Variants in PAK5 observed in about 807,000 individuals in gnomAD.
PAK5 encodes the protein p21 (RAC1) activated kinase 5.
PAK5 carries 16 observed loss-of-function variants against 65.9 expected under a neutral mutation model. The ratio of observed to expected loss-of-function variants is 0.24; its 90% confidence interval spans 0.16 to 0.37. The LOEUF is 0.37. PAK5 is among the 10% of genes least tolerant of loss of function. PAK5 has a pLI of 1.00. For synonymous variants in PAK5, 371 were observed against 354.9 expected, an observed-to-expected ratio of 1.05 and a Z score of -0.51; for missense variants, 785 against 903.9, an observed-to-expected ratio of 0.87 and a Z score of 1.69.
At position 9,586,023 on chromosome 20, in the gene PAK5, G is replaced by A. The variant is rs2046062314; in HGVS notation, c.205-5093C>T. On this transcript the variant is annotated intron_variant, in intron 3 of 9. Coordinates refer to ENST00000353224, the MANE Select transcript of PAK5 (RefSeq NM_177990.4). ...CCAGCTCATCATTTACTGGACAACT[G>A]AGGCTCAGAGGTGATCTGTATGCCT... Among the ~76,000 whole-genome samples, 4 of 152,304 alleles carry A rather than the reference G, an allele frequency of 2.6e-5. 1 individual carries two copies. The highest frequency in any genetic ancestry group is 7.2e-5 in the African/African-American group (3 of 41,578).
intron 2 of PAK5, among the ~76,000 whole-genome samples, chr20:9,684,858 T>C (rs1047928433): frequency 6.6e-6 from 1 of 152,220 alleles, no homozygotes; most frequent in Non-Finnish European, 1.5e-5. Context: ...ACTGGGGATC[T>C]TTGGGGTGGA....
At chr20:9,633,764 C>T (rs1395506961) in intron 3 of PAK5, among the ~76,000 whole-genome samples, 1 of 152,300 alleles carries the variant, frequency 6.6e-6, no homozygotes, top group East Asian at 1.9e-4. Context: ...CACTTCCTCC[C>T]AGGAGTTACA....
intron 1 of PAK5, among the ~76,000 whole-genome samples, chr20:9,755,541 C>A (rs549110605): frequency 6.6e-6 from 1 of 152,284 alleles, no homozygotes; most frequent in Non-Finnish European, 1.5e-5. Flanking sequence ...GAAGATGACA[C>A]AAACCATGAT....
At chr20:9,792,322 G>A (rs536558188) in intron 1 of PAK5, among the ~76,000 whole-genome samples, 44 of 152,254 alleles carry the variant, frequency 2.9e-4, no homozygotes, top group African/African-American at 9.9e-4. Context: ...TAAGGGTTGC[G>A]GGAGAAGTTT....
At chr20:9,804,532 C>A (rs1462565317) in intron 1 of PAK5, among the ~76,000 whole-genome samples, 1 of 152,060 alleles carries the variant, frequency 6.6e-6, no homozygotes, top group African/African-American at 2.4e-5. Context: ...ATAAATTTGA[C>A]CATACCACCT....
chr20:9,539,528 T>G lies in PAK5; in HGVS notation c.2094A>C (p.Pro698=). The G allele has an allele frequency of 6.2e-7, 1 of 1,613,978 alleles. No individual in the cohort carries two copies. Residue 698 remains proline (P), a synonymous_variant, in exon 10 of 10, where the codon CCA becomes CCC. Transcript: ENST00000353224. ...RATAQELLGH[P]FLKLAGPPSC... is the part of the protein sequence containing the mutation. ...ACGGTGGACCTGCTAGTTTTAAGAA[T>G]GGATGTCCGAGGAGTTCCTGGGCTG... is the stretch of plus-strand genomic sequence containing the variant.
At chr20:9,591,524 C>G (rs550188003) in intron 3 of PAK5, among the ~76,000 whole-genome samples, 1 of 152,140 alleles carries the variant, frequency 6.6e-6, no homozygotes, top group Admixed American at 6.6e-5. Flanking sequence ...AATAAGTTGA[C>G]TGGTCTTTGA....
Position 9,540,430 on chromosome 20 carries a change from T to C in PAK5, c.2005-813A>G, listed in dbSNP as rs190963812. On this transcript the variant is annotated intron_variant, in intron 9 of 9. Coordinates refer to ENST00000353224, the MANE Select transcript of PAK5 (RefSeq NM_177990.4). ...TATTTTAATTTATAGCATAACTTAG[T>C]TTTGCTTACTTTTGTACTTTACCAA... Among the ~76,000 whole-genome samples the C allele has an allele frequency of 6.6e-5, 10 of 152,318 alleles. No individual in the cohort carries two copies. In the East Asian group the frequency reaches 1.9e-3, roughly 29 times the overall value.
chr20:9,751,520 A>G (rs1442314432), intron 1 of PAK5, among the ~76,000 whole-genome samples: 1 of 152,200 alleles, frequency 6.6e-6, no homozygotes, highest in East Asian at 1.9e-4. Flanking sequence ...CATGAATAAA[A>G]TTCAATTTTA....
At chr20:9,652,409 T>C (rs1385870062) in intron 2 of PAK5, among the ~76,000 whole-genome samples, 1 of 152,236 alleles carries the variant, frequency 6.6e-6, no homozygotes, top group Non-Finnish European at 1.5e-5. Flanking sequence ...GGGTTCATCA[T>C]ATAATCTAAA....
intron 1 of PAK5, among the ~76,000 whole-genome samples, chr20:9,719,706 G>A (rs992818477): frequency 2.6e-5 from 4 of 152,096 alleles, no homozygotes; most frequent in Non-Finnish European, 5.9e-5. Context: ...AGCCCATTGT[G>A]TTTGCCTTGT....
intron 1 of PAK5, among the ~76,000 whole-genome samples, chr20:9,724,438 T>C (rs1163341175): frequency 6.6e-6 from 1 of 152,184 alleles, no homozygotes; most frequent in Non-Finnish European, 1.5e-5. Flanking sequence ...AGCCAAAAGC[T>C]CAAGGCCACT....
At chr20:9,770,515 A>G (rs547314658) in intron 1 of PAK5, among the ~76,000 whole-genome samples, 19 of 152,292 alleles carry the variant, frequency 1.2e-4, no homozygotes, top group African/African-American at 4.1e-4. Flanking sequence ...AGCCAGCACA[A>G]TGGTGTGTTT....
intron 3 of PAK5, among the ~76,000 whole-genome samples, chr20:9,586,850 G>GA (rs1213813484): frequency 6.6e-6 from 1 of 152,052 alleles, no homozygotes; most frequent in Non-Finnish European, 1.5e-5. Context: ...CTATTTAGAA[G>GA]AAATGACAAA....
Position 9,803,110 on chromosome 20 carries a change from G to A in PAK5, c.-162+35652C>T, listed in dbSNP as rs575125770. Among the ~76,000 whole-genome samples, 132 of 151,326 alleles carry A rather than the reference G, an allele frequency of 8.7e-4. 1 individual carries two copies. The South Asian group carries it at 0.025, about 28-fold the overall frequency. On this transcript the variant is annotated intron_variant, in intron 1 of 9. Transcript: ENST00000353224. ...TTATTTGAAGAACACCCAAGCTTCC[G>A]GAAATGTTTAGAAAACAATTAAGGA...
At chr20:9,639,137 T>C (rs1197681028) in intron 3 of PAK5, among the ~76,000 whole-genome samples, 4 of 152,226 alleles carry the variant, frequency 2.6e-5, no homozygotes, top group African/African-American at 9.7e-5. Context: ...TTCTCTATAC[T>C]TTATCATATG....
intron 1 of PAK5, among the ~76,000 whole-genome samples, chr20:9,797,551 C>A (rs6077601): frequency 6.7e-6 from 1 of 149,784 alleles, no homozygotes; most frequent in Non-Finnish European, 1.5e-5. Context: ...ATGTAAATGA[C>A]GAGTTAATGG....
At chr20:9,620,315 G>T (rs1193515589) in intron 3 of PAK5, among the ~76,000 whole-genome samples, 1 of 152,220 alleles carries the variant, frequency 6.6e-6, no homozygotes, top group Non-Finnish European at 1.5e-5. Flanking sequence ...TTGAAACAAA[G>T]ATCCTAAAAG....
chr20:9,808,038 C>T (rs751374406), intron 1 of PAK5, among the ~76,000 whole-genome samples: 7 of 152,044 alleles, frequency 4.6e-5, no homozygotes, highest in Non-Finnish European at 4.4e-5. Flanking sequence ...GACAGTAAAA[C>T]GGACAAAGAG....
Sources: allele counts gnomAD v4.1 joint callset (sites outside exome capture counted in the v4.1 genomes callset), GRCh38; gene constraint gnomAD v4.1.1; transcripts MANE v1.5; gene names NCBI Gene and HGNC (gene_info 2026-07-23, HGNC 2026-07-21).